The following HK1 variants were observed in gnomAD, a reference collection of about 807,000 sequenced individuals.
HK1 encodes hexokinase 1.
A neutral mutation model predicts 91.6 loss-of-function variants in HK1; 28 were observed. That is an observed-to-expected ratio of 0.31 (90% CI 0.23 to 0.42). The LOEUF (loss-of-function observed/expected upper bound fraction) is 0.42, where lower values mean the gene tolerates loss of function less well. Ranked by LOEUF, HK1 falls within the 10% of genes least tolerant of loss-of-function variation. HK1 has a pLI of 1.00. For missense variants in HK1, 770 were observed against 1,219.8 expected, an observed-to-expected ratio of 0.63 and a Z score of 5.49; for synonymous variants, 430 against 468.1, an observed-to-expected ratio of 0.92 and a Z score of 1.05.
chr10:69,394,705 G>A (rs1840057095), intron 15 of HK1, among the ~76,000 whole-genome samples: 1 of 152,190 alleles, frequency 6.6e-6, no homozygotes, highest in Admixed American at 6.5e-5. Context: ...AGCTGAGGAG[G>A]GAGACCAGTC....
At chr10:69,364,543 G>A (rs1312734793) in intron 3 of HK1, among the ~76,000 whole-genome samples, 1 of 152,036 alleles carries the variant, frequency 6.6e-6, no homozygotes, top group African/African-American at 2.4e-5. Context: ...TTCTGTTGAA[G>A]GCTTTGAATT....
At chr10:69,361,839 C>T (rs772060878) in intron 3 of HK1, among the ~76,000 whole-genome samples, 47 of 151,760 alleles carry the variant, frequency 3.1e-4, no homozygotes, top group East Asian at 5.8e-4. Flanking sequence ...TTTTTTAAGA[C>T]GGAGTTTTAC....
chr10:69,360,151 T>G, intron 3 of HK1, 106 bp downstream of exon 3: 1 of 1,151,052 alleles, frequency 8.7e-7, no homozygotes, highest in South Asian at 1.2e-5. Context: ...TGGAAGAGGG[T>G]TGCTGGAAAG....
chr10:69,401,289 G>C lies in HK1; in HGVS notation c.*154G>C. ...ATCCAACTAATGGTATATATTGTAGGGTACAGAATAGAGCGTGTGCTGTTG... is the reference window on the plus strand; with the variant it reads ...ATCCAACTAATGGTATATATTGTAGCGTACAGAATAGAGCGTGTGCTGTTG... On this transcript the variant is annotated 3_prime_UTR_variant, in exon 18 of 18. Coordinates refer to ENST00000359426, the MANE Select transcript of HK1 (RefSeq NM_000188.3). 1.3e-6 allele frequency: 1 copy of C among 796,478 alleles called. No homozygotes were observed. The highest frequency in any genetic ancestry group is 2.1e-6 in the Non-Finnish European group (1 of 485,450). The allele number at this position is 796,478 out of a possible 1,614,324, so 49.3% of individuals were successfully genotyped here. A position where few individuals can be genotyped will look rare whatever the true frequency, so the allele number is the denominator to read the frequency against.
chr10:69,353,156 A>C (rs1316006978), intron 2 of HK1, among the ~76,000 whole-genome samples: 1 of 152,160 alleles, frequency 6.6e-6, no homozygotes, highest in Non-Finnish European at 1.5e-5. Flanking sequence ...GCCAGGGGGA[A>C]CCAACCATGT....
intron 1 of HK1, among the ~76,000 whole-genome samples, chr10:69,332,219 A>C (rs1022790001): frequency 6.6e-6 from 1 of 152,160 alleles, no homozygotes; most frequent in East Asian, 1.9e-4. Context: ...CATTTAAAGC[A>C]GTGGGTTTCT....
intron 2 of HK1, among the ~76,000 whole-genome samples, chr10:69,345,521 G>A (rs1413206028): frequency 6.6e-6 from 1 of 152,172 alleles, no homozygotes; most frequent in Non-Finnish European, 1.5e-5. Flanking sequence ...GGCTCTGACT[G>A]CTTCCAGCTG....
intron 1 of HK1, among the ~76,000 whole-genome samples, chr10:69,339,255 T>C (rs1249110463): frequency 6.6e-6 from 1 of 152,204 alleles, no homozygotes; most frequent in Non-Finnish European, 1.5e-5. Context: ...GGCTGGGCAG[T>C]GTGGCAGATA....
At chr10:69,379,658 T>C (rs1201431724) in intron 8 of HK1, among the ~76,000 whole-genome samples, 1 of 152,154 alleles carries the variant, frequency 6.6e-6, no homozygotes, top group Non-Finnish European at 1.5e-5. Flanking sequence ...TGGTACAGTT[T>C]TTCCTATCAC....
intron 7 of HK1, among the ~76,000 whole-genome samples, chr10:69,372,267 C>G (rs1378199684): frequency 6.6e-6 from 1 of 152,212 alleles, no homozygotes; most frequent in African/African-American, 2.4e-5. Context: ...CACAGCCAAA[C>G]CATATCACTA....
rs1183144483 is a variant in HK1 at position 69,295,569 on chromosome 10, A to G, written c.-114-64A>G. ...TGATTGATTAGTTATAAGCATCAAT[A>G]TGTTGTGAATGCAAGTTGCTAAAAT... On this transcript the variant is annotated intron_variant, in intron 3 of 21. Coordinates refer to the HK1 transcript ENST00000360289. The G allele has an allele frequency of 9.6e-6, 10 of 1,037,560 alleles. No homozygotes were observed. The East Asian group carries it at 2.4e-4, about 25-fold the overall frequency. The allele number at this position is 1,037,560 out of a possible 1,614,324, so 64.3% of individuals were successfully genotyped here. A position where few individuals can be genotyped will look rare whatever the true frequency, so the allele number is the denominator to read the frequency against.
chr10:69,364,158 C>T (rs1465384394), intron 3 of HK1, among the ~76,000 whole-genome samples: 2 of 152,178 alleles, frequency 1.3e-5, no homozygotes, highest in East Asian at 1.9e-4. Flanking sequence ...GGGCATATTA[C>T]AGGTGTTTCT....
chr10:69,315,380 T>C (rs1846581148), upstream of HK1, among the ~76,000 whole-genome samples: 1 of 152,146 alleles, frequency 6.6e-6, no homozygotes, highest in African/African-American at 2.4e-5. Context: ...AGCAGGTGCG[T>C]TTCCTGGGGT....
intron 3 of HK1, among the ~76,000 whole-genome samples, chr10:69,362,710 C>T (rs188488321): frequency 6.6e-6 from 1 of 152,302 alleles, no homozygotes; most frequent in African/African-American, 2.4e-5. Context: ...GGCAGCCTTC[C>T]CTTCACCCGG....
intron 2 of HK1, among the ~76,000 whole-genome samples, chr10:69,348,989 A>G (rs1183045237): frequency 1.3e-5 from 2 of 152,256 alleles, no homozygotes; most frequent in East Asian, 3.9e-4. Context: ...AATTGCCAGT[A>G]GCCCTTCGGA....
At chr10:69,316,794 C>A (rs1174360008), upstream of HK1, among the ~76,000 whole-genome samples, 2 of 152,264 alleles carry the variant, frequency 1.3e-5, no homozygotes, top group African/African-American at 4.8e-5. Flanking sequence ...GTGCCAGGCC[C>A]TGCGCTTGTG....
chr10:69,305,204 G>A (rs530652794), intron 5 of HK1, among the ~76,000 whole-genome samples: 1 of 152,304 alleles, frequency 6.6e-6, no homozygotes, highest in East Asian at 1.9e-4. Flanking sequence ...AAGCAGGAAA[G>A]CCACAGAATA....
chr10:69,304,925 G>A (rs1260517074), intron 5 of HK1, among the ~76,000 whole-genome samples: 1 of 152,126 alleles, frequency 6.6e-6, no homozygotes, highest in Non-Finnish European at 1.5e-5. Flanking sequence ...AATTCAAGGT[G>A]TTGGCAGGCT....
chr10:69,374,465 C>T (rs568148322), intron 7 of HK1, among the ~76,000 whole-genome samples: 1 of 152,222 alleles, frequency 6.6e-6, no homozygotes, highest in Non-Finnish European at 1.5e-5. Context: ...AGGAAAAGGG[C>T]CCGGGCGTTA....
Sources: allele counts gnomAD v4.1 joint callset (sites outside exome capture counted in the v4.1 genomes callset), GRCh38; gene constraint gnomAD v4.1.1; transcripts MANE v1.5; gene names NCBI Gene and HGNC (gene_info 2026-07-23, HGNC 2026-07-21).